The following SARNP variants were observed in gnomAD, a reference collection of about 807,000 sequenced individuals.
SARNP encodes the protein SAP domain containing ribonucleoprotein.
SARNP carries 5 observed loss-of-function variants against 38.1 expected under a neutral mutation model. The ratio of observed to expected loss-of-function variants is 0.13; its 90% CI spans 0.07 to 0.28. The LOEUF (loss-of-function observed/expected upper bound fraction) is 0.28. SARNP is among the 10% of genes least tolerant of loss of function. The probability of loss-of-function intolerance (pLI) is 1.00; values close to 1 mark genes in which losing one functional copy is unlikely to be tolerated. For synonymous variants in SARNP, 84 were observed against 80.6 expected, an observed-to-expected ratio of 1.04 and a Z score of -0.23; for missense variants, 180 against 243.9, an observed-to-expected ratio of 0.74 and a Z score of 1.75.
At chr12:55,788,790 C>T (rs142520190) in intron 9 of SARNP, among the ~76,000 whole-genome samples, 2 of 152,142 alleles carry the variant, frequency 1.3e-5, no homozygotes, top group East Asian at 1.9e-4. Context: ...ACAGAATGAC[C>T]TTGTCTCAAA....
chr12:55,805,959 C>T (rs966539775), intron 1 of SARNP, among the ~76,000 whole-genome samples: 10 of 152,050 alleles, frequency 6.6e-5, no homozygotes, highest in Non-Finnish European at 1.3e-4. Context: ...ACAGCTTGAA[C>T]CTGGGACGCA....
chr12:55,770,028 T>C (rs1049710705), intron 9 of SARNP, among the ~76,000 whole-genome samples: 3 of 152,090 alleles, frequency 2.0e-5, no homozygotes, highest in African/African-American at 7.2e-5. Context: ...GAGAGAAACA[T>C]GAAATCCAGA....
chr12:55,807,891 G>A (rs1880203586), intron 1 of SARNP, among the ~76,000 whole-genome samples: 2 of 151,466 alleles, frequency 1.3e-5, no homozygotes, highest in African/African-American at 4.8e-5. Context: ...CCCACTTCCT[G>A]GAGAACAAGT....
chr12:55,777,763 T>C (rs1198306524), intron 9 of SARNP, among the ~76,000 whole-genome samples: 2 of 152,106 alleles, frequency 1.3e-5, no homozygotes, highest in Non-Finnish European at 2.9e-5. Flanking sequence ...AAAGTATGTG[T>C]TGGAGGATTA....
At chr12:55,797,303 G>A (rs912274686) in intron 4 of SARNP, among the ~76,000 whole-genome samples, 1 of 152,142 alleles carries the variant, frequency 6.6e-6, no homozygotes, top group African/African-American at 2.4e-5. Context: ...GAAGTCCTAC[G>A]ATATGTAACC....
rs1451735119 is a variant in SARNP at position 55,814,196 on chromosome 12, C to T, written c.36+3470G>A. On this transcript the variant is annotated intron_variant, in intron 1 of 10. Transcript: ENST00000336133. ...ATAATAAATATCTAAGTGGTGAAATCGCTCCCCCTACAAATCCCATCCGCC... is the reference window on the plus strand; with the variant it reads ...ATAATAAATATCTAAGTGGTGAAATTGCTCCCCCTACAAATCCCATCCGCC... Among the ~76,000 whole-genome samples, 4 of 152,172 alleles carry T rather than the reference C, an allele frequency of 2.6e-5. 1 individual carries two copies. The East Asian group carries it at 5.8e-4, about 22-fold the overall frequency.
At chr12:55,790,891 T>G (rs1879647746) in intron 7 of SARNP, among the ~76,000 whole-genome samples, 1 of 152,220 alleles carries the variant, frequency 6.6e-6, no homozygotes, top group South Asian at 2.1e-4. Context: ...CACAAAAATT[T>G]GTACATAAAT....
intron 4 of SARNP, among the ~76,000 whole-genome samples, chr12:55,800,084 G>A (rs564466863): frequency 6.6e-6 from 1 of 151,732 alleles, no homozygotes; most frequent in Non-Finnish European, 1.5e-5. Flanking sequence ...CCAGCTACTC[G>A]GGAGGCTGAG....
Position 55,778,545 on chromosome 12 carries a change from A to G in SARNP, c.501+10530T>C, listed in dbSNP as rs1211178085. Among the ~76,000 whole-genome samples the G allele has an allele frequency of 1.2e-4, 19 of 152,202 alleles. 1 individual carries two copies. In the South Asian group the frequency reaches 3.5e-3, roughly 28 times the overall value. Reference sequence around the variant, plus strand: ...TCTTTTTTTTATCTTAAAGGGGAGGAGACAGAAAAGAAGAAAACAGATATA... The same window carrying G: ...TCTTTTTTTTATCTTAAAGGGGAGGGGACAGAAAAGAAGAAAACAGATATA... On this transcript the variant is annotated intron_variant, in intron 9 of 10. Coordinates refer to ENST00000336133, the MANE Select transcript of SARNP (RefSeq NM_033082.4).
At chr12:55,806,267 T>TA (rs1164809917) in intron 1 of SARNP, among the ~76,000 whole-genome samples, 81 of 149,184 alleles carry the variant, frequency 5.4e-4, no homozygotes, top group African/African-American at 1.7e-3. Context: ...AAGACTAAAT[T>TA]AAAAAAAATT....
chr12:55,771,651 G>A (rs1247216276), intron 9 of SARNP, among the ~76,000 whole-genome samples: 1 of 152,120 alleles, frequency 6.6e-6, no homozygotes, highest in Non-Finnish European at 1.5e-5. Flanking sequence ...TGGAAGAGAG[G>A]CTGACAGAGA....
At chr12:55,801,812 C>T (rs1879987934) in intron 2 of SARNP, among the ~76,000 whole-genome samples, 1 of 152,096 alleles carries the variant, frequency 6.6e-6, no homozygotes, top group African/African-American at 2.4e-5. Flanking sequence ...GAGATGGGAT[C>T]TCACTATGCT....
intron 9 of SARNP, among the ~76,000 whole-genome samples, chr12:55,777,627 G>A (rs954099229): frequency 2.0e-5 from 3 of 152,098 alleles, no homozygotes; most frequent in African/African-American, 4.8e-5. Context: ...ACCTGCCTCG[G>A]CCTCCCTAAG....
In SARNP at chr12:55,803,699, A is replaced by G; in HGVS notation, c.66T>C (p.Ala22=). ...TTATTCCCTTGGTCTCCAAACCACGAGCAAGACATTCTTGCTTTAGTTCGG... is the reference window on the plus strand; with the variant it reads ...TTATTCCCTTGGTCTCCAAACCACGGGCAAGACATTCTTGCTTTAGTTCGG... ...KLAELKQECL[A]RGLETKGIKQ... The change falls in exon 2 of 11, where the codon GCT becomes GCC. Residue 22 remains alanine (A), a synonymous_variant. Transcript: ENST00000336133. 1 of 1,613,468 alleles carries G rather than the reference A, an allele frequency of 6.2e-7. No homozygotes were observed. The highest frequency in any genetic ancestry group is 1.1e-5 in the South Asian group (1 of 91,016).
chr12:55,761,627 G>C (rs115357082), intron 9 of SARNP: 1 of 152,266 alleles, frequency 6.6e-6, no homozygotes, highest in African/African-American at 2.4e-5. Flanking sequence ...TAGGTGTTTT[G>C]TATCATTCAT....
intron 9 of SARNP, among the ~76,000 whole-genome samples, chr12:55,775,280 C>G (rs983191293): frequency 7.1e-6 from 1 of 141,048 alleles, no homozygotes; most frequent in Non-Finnish European, 1.5e-5. Flanking sequence ...AAAAGATGGA[C>G]AAGCATGGTG....
At chr12:55,811,802 C>T (rs968793476) in intron 1 of SARNP, among the ~76,000 whole-genome samples, 1 of 152,160 alleles carries the variant, frequency 6.6e-6, no homozygotes, top group African/African-American at 2.4e-5. Flanking sequence ...CCACATATAT[C>T]AAAGGCTAAT....
At chr12:55,802,110 C>T (rs1441221120) in intron 2 of SARNP, among the ~76,000 whole-genome samples, 1 of 152,048 alleles carries the variant, frequency 6.6e-6, no homozygotes, top group East Asian at 1.9e-4. Flanking sequence ...AAACTTAGGC[C>T]ACTTGATAGG....
chr12:55,790,768 T>C (rs1172846034), intron 7 of SARNP, among the ~76,000 whole-genome samples, 176 bp from the exon 8 acceptor site: 1 of 152,228 alleles, frequency 6.6e-6, no homozygotes, highest in Admixed American at 6.5e-5. Flanking sequence ...TAAAATGGTA[T>C]AGCTGCTTTG....
Sources: gnomAD v4.1 joint callset for allele counts (sites outside exome capture counted in the v4.1 genomes callset) on GRCh38, gnomAD v4.1.1 for gene constraint, MANE v1.5 for transcripts, NCBI Gene and HGNC (gene_info 2026-07-23, HGNC 2026-07-21) for gene names.